Variants in KCNN2 observed in about 807,000 individuals in gnomAD.
KCNN2 encodes small conductance calcium-activated potassium channel protein 2.
A neutral mutation model predicts 55.5 loss-of-function variants in KCNN2; 24 were observed. The ratio of observed to expected loss-of-function variants is 0.43; its 90% CI spans 0.31 to 0.61. The LOEUF (loss-of-function observed/expected upper bound fraction) is 0.61. Ranked by LOEUF, KCNN2 falls within the 20% of genes least tolerant of loss-of-function variation. KCNN2 has a pLI of 0.08. For missense variants in KCNN2, 754 were observed against 853.6 expected (o/e 0.88, Z 1.45); for synonymous variants, 431 against 336.1 (o/e 1.28, Z -3.09).
At chr5:114,227,258 G>T (rs1754255586) in intron 2 of KCNN2, among the ~76,000 whole-genome samples, 1 of 152,152 alleles carries the variant, frequency 6.6e-6, no homozygotes, top group South Asian at 2.1e-4. Flanking sequence ...GTGAGTGCCA[G>T]TGTTTTCCTA....
At chr5:114,104,879 G>A (rs1463625551) in intron 1 of KCNN2, among the ~76,000 whole-genome samples, 1 of 151,922 alleles carries the variant, frequency 6.6e-6, no homozygotes, top group Non-Finnish European at 1.5e-5. Flanking sequence ...GCAAGCTCTT[G>A]AAGATAAAGA....
intron 2 of KCNN2, among the ~76,000 whole-genome samples, chr5:114,263,848 C>T (rs958086178): frequency 1.3e-4 from 20 of 152,164 alleles, no homozygotes; most frequent in Non-Finnish European, 4.4e-5. Context: ...GGGAGTTCCC[C>T]TTCAGCAAAG....
intron 1 of KCNN2, among the ~76,000 whole-genome samples, chr5:114,155,773 GAT>G (rs1752620352): frequency 6.6e-6 from 1 of 152,142 alleles, no homozygotes; most frequent in Non-Finnish European, 1.5e-5. Context: ...TGAGATGCTG[GAT>G]ATTAGACCTT....
chr5:114,177,314 T>C (rs1753154880), intron 1 of KCNN2, among the ~76,000 whole-genome samples: 1 of 152,022 alleles, frequency 6.6e-6, no homozygotes, highest in South Asian at 2.1e-4. Flanking sequence ...ATGTTTTGTA[T>C]TTTTAGTAGA....
intron 2 of KCNN2, among the ~76,000 whole-genome samples, chr5:114,227,002 A>C (rs1176220567): frequency 6.6e-6 from 1 of 152,228 alleles, no homozygotes; most frequent in East Asian, 1.9e-4. Context: ...AGTGGATTAA[A>C]TAGCAAAATA....
intron 3 of KCNN2, among the ~76,000 whole-genome samples, chr5:114,424,050 A>G (rs1244969779): frequency 6.6e-6 from 1 of 152,250 alleles, no homozygotes; most frequent in Non-Finnish European, 1.5e-5. Context: ...TCTGGATTTT[A>G]GTCCATAGGT....
At chr5:114,367,904 T>C (rs1253796418) in intron 2 of KCNN2, among the ~76,000 whole-genome samples, 1 of 152,202 alleles carries the variant, frequency 6.6e-6, no homozygotes, top group African/African-American at 2.4e-5. Context: ...CTTGGACTAG[T>C]GCCTGATCTT....
chr5:114,406,080 C>T (rs540900373), intron 3 of KCNN2, among the ~76,000 whole-genome samples: 1 of 138,670 alleles, frequency 7.2e-6, no homozygotes, highest in Non-Finnish European at 1.5e-5. Context: ...GGAAGAAAAA[C>T]AGCTATATGA....
At chr5:114,408,475 G>C (rs1056325848) in intron 3 of KCNN2, among the ~76,000 whole-genome samples, 1 of 152,024 alleles carries the variant, frequency 6.6e-6, no homozygotes, top group Non-Finnish European at 1.5e-5. Context: ...TTTAAGGAAA[G>C]GTAGACTCCT....
chr5:114,455,409 A>G (rs1760872648), intron 3 of KCNN2, among the ~76,000 whole-genome samples: 1 of 152,192 alleles, frequency 6.6e-6, no homozygotes, highest in Non-Finnish European at 1.5e-5. Flanking sequence ...GCAAACTTAA[A>G]TGATAAATGT....
At chr5:114,157,419 G>T (rs1320122097) in intron 1 of KCNN2, among the ~76,000 whole-genome samples, 3 of 151,966 alleles carry the variant, frequency 2.0e-5, no homozygotes, top group African/African-American at 4.8e-5. Flanking sequence ...TGGACATTTG[G>T]GTTGGTTCCA....
chr5:114,361,156 C>A (rs915258101), upstream of KCNN2: 4 of 152,230 alleles, frequency 2.6e-5, no homozygotes, highest in Admixed American at 2.6e-4. Flanking sequence ...CAAATGTGAG[C>A]TGGCGGTAGC....
At chr5:114,239,193 T>C (rs1754569351) in intron 2 of KCNN2, among the ~76,000 whole-genome samples, 1 of 152,050 alleles carries the variant, frequency 6.6e-6, no homozygotes, top group Non-Finnish European at 1.5e-5. Context: ...TGTAGCTTAA[T>C]GGAGAATTGG....
At chr5:114,326,300 T>C (rs1041867643) in intron 2 of KCNN2, among the ~76,000 whole-genome samples, 1 of 152,096 alleles carries the variant, frequency 6.6e-6, no homozygotes, top group African/African-American at 2.4e-5. Context: ...ACATTCCAGG[T>C]TGAGGAAACA....
chr5:114,363,355 C>A, intron 1 of KCNN2, 94 bp downstream of exon 1: 4 of 1,401,490 alleles, frequency 2.9e-6, no homozygotes, highest in Non-Finnish European at 3.8e-6. Context: ...GGATCCCTAG[C>A]CTCTCCGGGA....
At chr5:114,407,774 A>T (rs1193520192) in intron 3 of KCNN2, among the ~76,000 whole-genome samples, 1 of 152,216 alleles carries the variant, frequency 6.6e-6, no homozygotes, top group Non-Finnish European at 1.5e-5. Context: ...CACAGGGCAA[A>T]GAAGAGGTCT....
At chr5:114,296,553 T>A (rs1465909159) in intron 2 of KCNN2, among the ~76,000 whole-genome samples, 1 of 152,208 alleles carries the variant, frequency 6.6e-6, no homozygotes, top group African/African-American at 2.4e-5. Flanking sequence ...TATTTTTAAT[T>A]ATTATCATTA....
chr5:114,084,489 G>T (rs1474762143), intron 1 of KCNN2, among the ~76,000 whole-genome samples: 1 of 151,968 alleles, frequency 6.6e-6, no homozygotes, highest in Non-Finnish European at 1.5e-5. Flanking sequence ...TATCTGTTCA[G>T]ATCTTTTTCT....
At chr5:114,424,589 A>G (rs1213983387) in intron 3 of KCNN2, among the ~76,000 whole-genome samples, 1 of 152,226 alleles carries the variant, frequency 6.6e-6, no homozygotes, top group East Asian at 1.9e-4. Flanking sequence ...TTTAGAAGGA[A>G]AACCCTGGCA....
Sources: gnomAD v4.1 joint callset for allele counts (sites outside exome capture counted in the v4.1 genomes callset) on GRCh38, gnomAD v4.1.1 for gene constraint, MANE v1.5 for transcripts, NCBI Gene and HGNC (gene_info 2026-07-23, HGNC 2026-07-21) for gene names.